Variants in WWOX observed in about 807,000 individuals in gnomAD.
The protein encoded by WWOX is WW domain-containing oxidoreductase.
Under a neutral mutation model 46.2 loss-of-function variants are expected in WWOX, and 69 were observed. The observed-to-expected ratio is 1.49, with a 90% confidence interval of 1.23 to 1.82. The LOEUF (loss-of-function observed/expected upper bound fraction) is 1.82, where lower values mean the gene tolerates loss of function less well. Among genes scored for constraint, WWOX ranks in the 40% most tolerant of loss-of-function variants. WWOX has a pLI of 0.00. For missense variants in WWOX, 919 were observed against 542.6 expected, an observed-to-expected ratio of 1.69 and a Z score of -6.89; for synonymous variants, 359 against 202.6, an observed-to-expected ratio of 1.77 and a Z score of -6.56.
At chr16:78,912,850 T>C (rs76607814) in intron 8 of WWOX, among the ~76,000 whole-genome samples, 3,865 of 152,028 alleles carry the variant, frequency 0.025, 247 homozygotes, top group East Asian at 0.24. Context: ...AGACGTATTA[T>C]CATTGGTTAG....
chr16:78,865,217 T>C (rs1002103173), intron 8 of WWOX, among the ~76,000 whole-genome samples: 26 of 152,240 alleles, frequency 1.7e-4, no homozygotes, highest in Non-Finnish European at 5.9e-5. Flanking sequence ...TGATTTAGGA[T>C]GCGATCAGTT....
intron 8 of WWOX, among the ~76,000 whole-genome samples, chr16:79,210,812 G>A (rs1360609649): frequency 5.9e-5 from 9 of 152,144 alleles, no homozygotes; most frequent in South Asian, 4.2e-4. Flanking sequence ...CACTGCACAC[G>A]TCCCTAGCCA....
chr16:79,034,149 C>G (rs543096761), intron 8 of WWOX, among the ~76,000 whole-genome samples: 9 of 152,256 alleles, frequency 5.9e-5, no homozygotes, highest in African/African-American at 1.7e-4. Flanking sequence ...TTATATTAAT[C>G]TGTTTTCTTC....
intron 8 of WWOX, among the ~76,000 whole-genome samples, chr16:78,850,464 C>G (rs1270715470): frequency 6.6e-6 from 1 of 152,184 alleles, no homozygotes; most frequent in Non-Finnish European, 1.5e-5. Context: ...GTCCTTATAG[C>G]TCATGAACTC....
At chr16:78,600,588 AG>A (rs1381980571) in intron 8 of WWOX, among the ~76,000 whole-genome samples, 1 of 152,110 alleles carries the variant, frequency 6.6e-6, no homozygotes, top group African/African-American at 2.4e-5. Context: ...TAGTCCAGAG[AG>A]GTGAAGGACC....
intron 8 of WWOX, among the ~76,000 whole-genome samples, chr16:78,749,272 G>A (rs374728486): frequency 3.3e-4 from 50 of 152,264 alleles, no homozygotes; most frequent in Non-Finnish European, 5.9e-4. Flanking sequence ...TGAGGAAACA[G>A]AGCTCGAGAG....
chr16:78,618,030 G>T (rs1163032357), intron 8 of WWOX, among the ~76,000 whole-genome samples: 2 of 152,196 alleles, frequency 1.3e-5, no homozygotes, highest in African/African-American at 4.8e-5. Flanking sequence ...GCCAGATGTA[G>T]TGTTCAGTGC....
At chr16:78,712,435 G>C (rs983745413) in intron 8 of WWOX, among the ~76,000 whole-genome samples, 1 of 151,942 alleles carries the variant, frequency 6.6e-6, no homozygotes, top group Non-Finnish European at 1.5e-5. Context: ...CCAGGAGGCG[G>C]AGGTTGCAGT....
chr16:78,281,138 C>G (rs571675361), intron 5 of WWOX: 1 of 152,334 alleles, frequency 6.6e-6, no homozygotes, highest in East Asian at 1.9e-4. Flanking sequence ...GCAAAGCGAT[C>G]TCAGGGTAAA....
At chr16:78,725,641 C>T (rs1022194168) in intron 8 of WWOX, among the ~76,000 whole-genome samples, 31 of 152,030 alleles carry the variant, frequency 2.0e-4, no homozygotes, top group Admixed American at 5.9e-4. Flanking sequence ...AGCATTAAAA[C>T]AAAGTAATAA....
Position 78,099,768 on chromosome 16 carries a change from C to T in WWOX, c.-11C>T, listed in dbSNP as rs1467452090. The stretch of plus-strand genomic sequence containing the variant: ...GGGCGATAGGGGGGCCAGGTGCCTC[C>T]ACAGTCAGCCATGGCAGCGCTGCGC... On this transcript the variant is annotated 5_prime_UTR_variant, in exon 1 of 9. Transcript: ENST00000566780. The T allele has an allele frequency of 1.3e-6, 2 of 1,537,316 alleles. No homozygotes were observed. The highest frequency in any genetic ancestry group is 1.8e-6 in the Non-Finnish European group (2 of 1,142,596).
intron 8 of WWOX, among the ~76,000 whole-genome samples, chr16:78,593,756 GAC>G (rs749400082): frequency 0.053 from 7,531 of 141,504 alleles, 206 homozygotes; most frequent in Non-Finnish European, 0.067. Context: ...GAGAGAGAGA[GAC>G]TGATACACAA....
chr16:78,662,910 T>G (rs971946332), intron 8 of WWOX, among the ~76,000 whole-genome samples: 1 of 152,126 alleles, frequency 6.6e-6, no homozygotes. Flanking sequence ...AGTGAGAAGG[T>G]GAGAGTGCAA....
chr16:78,964,388 CTT>C (rs2046327870), intron 8 of WWOX, among the ~76,000 whole-genome samples: 1 of 152,086 alleles, frequency 6.6e-6, no homozygotes, highest in Non-Finnish European at 1.5e-5. Flanking sequence ...ACAGGTGACT[CTT>C]GTTATGTTTT....
intron 8 of WWOX, among the ~76,000 whole-genome samples, chr16:79,056,652 C>A (rs1220508707): frequency 6.6e-6 from 1 of 152,188 alleles, no homozygotes; most frequent in Non-Finnish European, 1.5e-5. Context: ...CCTCTTGTCA[C>A]AAACACAAAT....
intron 8 of WWOX, among the ~76,000 whole-genome samples, chr16:78,621,280 T>A (rs750763572): frequency 6.6e-6 from 1 of 152,092 alleles, no homozygotes; most frequent in African/African-American, 2.4e-5. Context: ...AACTGAACTT[T>A]CCATTAACTC....
At chr16:78,696,912 G>C (rs2048112058) in intron 8 of WWOX, among the ~76,000 whole-genome samples, 1 of 152,114 alleles carries the variant, frequency 6.6e-6, no homozygotes, top group Admixed American at 6.6e-5. Flanking sequence ...AAAACACACA[G>C]TGCTTGGTTT....
intron 5 of WWOX, among the ~76,000 whole-genome samples, chr16:78,204,231 T>A (rs2036321488): frequency 6.6e-6 from 1 of 152,228 alleles, no homozygotes; most frequent in Non-Finnish European, 1.5e-5. Context: ...CTTTTTTTGT[T>A]CTTTTAAACC....
chr16:78,877,937 C>G (rs1007469259), intron 8 of WWOX, among the ~76,000 whole-genome samples: 1 of 152,184 alleles, frequency 6.6e-6, no homozygotes, highest in Non-Finnish European at 1.5e-5. Context: ...GGATTGGAAA[C>G]CAGGTCTGTT....
Sources: gnomAD v4.1 joint callset for allele counts (sites outside exome capture counted in the v4.1 genomes callset) on GRCh38, gnomAD v4.1.1 for gene constraint, MANE v1.5 for transcripts, NCBI Gene and HGNC (gene_info 2026-07-23, HGNC 2026-07-21) for gene names.